The following CSMD1 variants were observed in gnomAD, a reference collection of about 807,000 sequenced individuals.
CSMD1 encodes CUB and Sushi multiple domains 1.
CSMD1 carries 213 observed loss-of-function variants against 417.5 expected under a neutral mutation model. That is an observed-to-expected ratio of 0.51 (90% CI 0.46 to 0.57). The LOEUF is 0.57. CSMD1 is among the 20% of genes least tolerant of loss of function. The pLI, the probability that CSMD1 is intolerant of heterozygous loss-of-function variation, is 0.00. For synonymous variants in CSMD1, 2,862 were observed against 1,736.8 expected (o/e 1.65, Z -16.11); for missense variants, 6,923 against 4,529.7 (o/e 1.53, Z -15.17).
intron 2 of CSMD1, among the ~76,000 whole-genome samples, chr8:4,628,849 A>G (rs543980715): frequency 1.3e-5 from 2 of 152,146 alleles, no homozygotes; most frequent in Non-Finnish European, 2.9e-5. Flanking sequence ...ACCATCATCT[A>G]GAAATTCGTT....
chr8:4,053,878 G>A (rs1046811415), intron 3 of CSMD1, among the ~76,000 whole-genome samples: 1 of 152,128 alleles, frequency 6.6e-6, no homozygotes, highest in Non-Finnish European at 1.5e-5. Flanking sequence ...CATGAAATTA[G>A]TTGCTATAAT....
chr8:3,339,104 C>G (rs7002790), intron 23 of CSMD1, among the ~76,000 whole-genome samples: 11,301 of 150,710 alleles, frequency 0.075, 514 homozygotes, highest in East Asian at 0.15. Context: ...TTTGTTCTTG[C>G]GATAGTTTAC....
At chr8:3,984,466 A>G (rs1444097800) in intron 5 of CSMD1, among the ~76,000 whole-genome samples, 1 of 152,010 alleles carries the variant, frequency 6.6e-6, no homozygotes, top group Non-Finnish European at 1.5e-5. Context: ...ATGTTTCTAT[A>G]AGGTAAAGCA....
chr8:3,283,729 C>T (rs539522629), intron 26 of CSMD1, among the ~76,000 whole-genome samples: 3 of 152,296 alleles, frequency 2.0e-5, no homozygotes, highest in African/African-American at 4.8e-5. Context: ...AAGACATAGA[C>T]ACACAGGGAA....
At chr8:4,709,828 G>A (rs550042436) in intron 1 of CSMD1, among the ~76,000 whole-genome samples, 8 of 152,182 alleles carry the variant, frequency 5.3e-5, no homozygotes, top group Admixed American at 1.3e-4. Context: ...GTGTCCAGTC[G>A]TCCCGCAGAG....
intron 2 of CSMD1, among the ~76,000 whole-genome samples, chr8:4,550,259 GT>G (rs1797811571): frequency 1.3e-5 from 2 of 151,136 alleles, no homozygotes; most frequent in African/African-American, 2.4e-5. Context: ...CATTTCCATG[GT>G]TGTGGTTTCA....
At chr8:4,533,780 C>T (rs1796956460) in intron 2 of CSMD1, among the ~76,000 whole-genome samples, 1 of 151,538 alleles carries the variant, frequency 6.6e-6, no homozygotes. Context: ...AATAAAAGTA[C>T]ACTGTAATTT....
intron 1 of CSMD1, among the ~76,000 whole-genome samples, chr8:4,757,036 C>T (rs549681800): frequency 5.3e-5 from 8 of 152,134 alleles, no homozygotes; most frequent in Non-Finnish European, 1.0e-4. Flanking sequence ...ATACAATATG[C>T]AGGAATGCAT....
intron 23 of CSMD1, among the ~76,000 whole-genome samples, chr8:3,324,669 G>C (rs1330941585): frequency 2.0e-5 from 3 of 149,656 alleles, no homozygotes; most frequent in Admixed American, 6.7e-5. Flanking sequence ...AGTAGAGTGA[G>C]TTTCCTTCAC....
chr8:4,000,237 G>A (rs1815561525), intron 4 of CSMD1, among the ~76,000 whole-genome samples: 1 of 148,258 alleles, frequency 6.7e-6, no homozygotes, highest in South Asian at 2.1e-4. Context: ...CCTGCCCCCC[G>A]CCCTCCGTGG....
intron 7 of CSMD1, among the ~76,000 whole-genome samples, chr8:3,629,552 A>C (rs1207432542): frequency 2.0e-5 from 3 of 152,202 alleles, no homozygotes; most frequent in Admixed American, 6.5e-5. Context: ...TTTCTCCTGT[A>C]AACAGTTTAG....
intron 5 of CSMD1, among the ~76,000 whole-genome samples, chr8:3,929,654 G>A (rs897534425): frequency 2.2e-5 from 3 of 138,144 alleles, no homozygotes; most frequent in South Asian, 2.4e-4. Context: ...ATATTTGTAT[G>A]AATAAAAATA....
At chr8:3,972,124 G>A (rs1411691958) in intron 5 of CSMD1, among the ~76,000 whole-genome samples, 4 of 152,124 alleles carry the variant, frequency 2.6e-5, no homozygotes, top group Admixed American at 6.5e-5. Flanking sequence ...TCCTGCCTGG[G>A]ACGGCGAAAG....
At chr8:4,078,608 T>A (rs2911715) in intron 3 of CSMD1, among the ~76,000 whole-genome samples, 105,393 of 144,892 alleles carry the variant, frequency 0.73, 38,052 homozygotes, top group East Asian at 0.88. Context: ...TGAAATATAA[T>A]TTTTTTTTTT....
intron 4 of CSMD1, among the ~76,000 whole-genome samples, chr8:4,011,490 G>C (rs999141355): frequency 1.3e-5 from 2 of 151,900 alleles, no homozygotes; most frequent in South Asian, 4.2e-4. Context: ...ATCCTCTCTT[G>C]AACCCACTTG....
At chr8:4,260,322 G>A (rs1341145065) in intron 3 of CSMD1, among the ~76,000 whole-genome samples, 2 of 152,072 alleles carry the variant, frequency 1.3e-5, no homozygotes, top group African/African-American at 4.8e-5. Flanking sequence ...TGATGTGTCT[G>A]TTTTTATTTG....
intron 3 of CSMD1, among the ~76,000 whole-genome samples, chr8:4,101,237 G>A (rs1490176071): frequency 6.6e-6 from 1 of 152,078 alleles, no homozygotes; most frequent in Non-Finnish European, 1.5e-5. Flanking sequence ...GTTTTTTGCT[G>A]TTTCTCCCCT....
chr8:3,771,248 G>A (rs1028325871), intron 5 of CSMD1, among the ~76,000 whole-genome samples: 1 of 152,140 alleles, frequency 6.6e-6, no homozygotes, highest in Non-Finnish European at 1.5e-5. Flanking sequence ...TTGGCTCCGT[G>A]AGCCACTCTT....
intron 1 of CSMD1, among the ~76,000 whole-genome samples, chr8:4,685,393 G>A (rs1806304739): frequency 1.3e-5 from 2 of 151,920 alleles, no homozygotes; most frequent in African/African-American, 4.8e-5. Context: ...GGCCAACATG[G>A]CAAAACCCCA....
Sources: allele counts gnomAD v4.1 joint callset (sites outside exome capture counted in the v4.1 genomes callset), GRCh38; gene constraint gnomAD v4.1.1; transcripts MANE v1.5; gene names NCBI Gene and HGNC (gene_info 2026-07-23, HGNC 2026-07-21).